Variants in ADCYAP1 observed in about 807,000 individuals in gnomAD.
ADCYAP1 encodes pituitary adenylate cyclase-activating polypeptide.
In ADCYAP1, 6 loss-of-function variants were observed where a neutral mutation model predicts 18.5. The observed-to-expected ratio is 0.32, with a 90% CI of 0.18 to 0.64. ADCYAP1 has a LOEUF of 0.64. Among genes scored for constraint, ADCYAP1 ranks in the 30% least tolerant of loss-of-function variants. ADCYAP1 has a pLI of 0.77. For synonymous variants in ADCYAP1, 136 were observed against 113.9 expected (o/e 1.19, Z -1.24); for missense variants, 314 against 253.6 (o/e 1.24, Z -1.62).
intron 2 of ADCYAP1, chr18:905,771 C>A: frequency 2.0e-6 from 1 of 493,024 alleles, no homozygotes; most frequent in East Asian, 3.5e-5. Context: ...AACCCCCCCT[C>A]CCCCAACCCG....
chr18:905,770 T>TC, intron 2 of ADCYAP1: 2 of 488,738 alleles, frequency 4.1e-6, no homozygotes, highest in Non-Finnish European at 7.3e-6. Context: ...GAACCCCCCC[T>TC]CCCCCAACCC....
chr18:904,595 A>T, upstream of ADCYAP1: 26 of 1,269,154 alleles, frequency 2.0e-5, no homozygotes, highest in Non-Finnish European at 2.6e-5. Flanking sequence ...ACCTCGGAGC[A>T]GAGAAGGCGC....
In ADCYAP1 at chr18:909,610, A is replaced by G; in HGVS notation, c.506A>G (p.Lys169Arg). 1 of 1,613,830 alleles carries G rather than the reference A, an allele frequency of 6.2e-7. No homozygotes were observed. Among genetic ancestry groups the G allele is most frequent in the Non-Finnish European group, 8.5e-7 (1 of 1,179,836 alleles). ...GKRYKQRVKN[K>R]GRRIAYL ...AGGTATAAACAAAGGGTTAAAAACA[A>G]AGGACGCCGAATAGCTTATTTGTAG... is the stretch of plus-strand genomic sequence containing the variant. The change falls in exon 5 of 5, where the codon AAA (lysine) becomes AGA (arginine). Residue 169 changes from lysine (K) to arginine (R), a missense_variant. By Grantham distance (26) the Lys-to-Arg change is conservative (BLOSUM62 2). Coordinates refer to ENST00000450565, the MANE Select transcript of ADCYAP1 (RefSeq NM_001099733.2).
In ADCYAP1 at chr18:907,725, G is replaced by C. The variant is rs768069960; in HGVS notation, c.177G>C (p.Pro59=). The stretch of plus-strand genomic sequence containing the variant: ...CAGACTTCGATGGCTCGGAGCCGCC[G>C]GGCGCAGGGAGCCCCGCCTCCGCGC... The part of the protein sequence containing the change: ...PLPDFDGSEP[P]GAGSPASAPR... The change falls in exon 3 of 5, where the codon CCG becomes CCC. Residue 59 remains proline, a synonymous_variant. Coordinates refer to ENST00000450565, the MANE Select transcript of ADCYAP1 (RefSeq NM_001099733.2). 36 of 1,533,670 alleles carry C rather than the reference G, an allele frequency of 2.3e-5. 1 individual carries two copies. The highest frequency in any genetic ancestry group is 1.8e-4 in the Admixed American group (9 of 50,148).
chr18:905,593 A>C, intron 2 of ADCYAP1, 97 bp downstream of exon 2: 1 of 1,386,156 alleles, frequency 7.2e-7, no homozygotes, highest in Non-Finnish European at 9.8e-7. Context: ...GGTCCAGACT[A>C]CTAGCATCGC....
At chr18:906,725 C>G (rs568488059) in intron 2 of ADCYAP1, 11 of 152,446 alleles carry the variant, frequency 7.2e-5, no homozygotes, top group African/African-American at 1.4e-4. Context: ...GCTGGCTGCA[C>G]GCCAAGTCTC....
intron 2 of ADCYAP1, among the ~76,000 whole-genome samples, chr18:907,232 G>A (rs892148636): frequency 6.6e-5 from 10 of 152,222 alleles, no homozygotes; most frequent in African/African-American, 2.2e-4. Flanking sequence ...TGCTTTCTGG[G>A]CCTCCCCATT....
chr18:909,763 T>A lies in ADCYAP1; in HGVS notation c.*128T>A. 1.3e-6 allele frequency: 1 copy of A among 741,074 alleles called. No individual in the cohort carries two copies. Among genetic ancestry groups the A allele is most frequent in the Non-Finnish European group, 2.0e-6 (1 of 488,958 alleles). The allele number at this position is 741,074 out of a possible 1,614,324, so 45.9% of individuals were successfully genotyped here. ...TATTTATGTAATGAAGTAAAGCCAT[T>A]AAATGAATATTTTGATAATAATATT... On this transcript the variant is annotated 3_prime_UTR_variant, in exon 5 of 5. Coordinates refer to ENST00000450565, the MANE Select transcript of ADCYAP1 (RefSeq NM_001099733.2).
chr18:909,464 C>G lies in ADCYAP1; in HGVS notation c.360C>G (p.Gly120=), dbSNP rs367797970. 3.7e-6 allele frequency: 6 copies of G among 1,611,958 alleles called. No homozygotes were observed. Among genetic ancestry groups the G allele is most frequent in the Non-Finnish European group, 5.1e-6 (6 of 1,179,546 alleles). ...ARGVGGSLGG[G]AGDDAEPLSK... The stretch of plus-strand genomic sequence containing the variant: ...CTTGCAGTGGGAGCCTCGGCGGCGG[C>G]GCGGGGGACGACGCGGAGCCGCTCT... Residue 120 remains glycine, a synonymous_variant, in exon 5 of 5, where the codon GGC becomes GGG. Coordinates refer to ENST00000450565, the MANE Select transcript of ADCYAP1 (RefSeq NM_001099733.2).
In ADCYAP1 at chr18:910,765, C is replaced by G. The variant is rs764602370; in HGVS notation, c.*1130C>G. 2 of 152,270 alleles carry G rather than the reference C, an allele frequency of 1.3e-5. No homozygotes were observed. Among genetic ancestry groups the G allele is most frequent in the African/African-American group, 2.4e-5 (1 of 41,452 alleles). The allele number at this position is 152,270 out of a possible 1,614,324, so 9.4% of individuals were successfully genotyped here. On this transcript the variant is annotated 3_prime_UTR_variant, in exon 5 of 5. Coordinates refer to ENST00000450565, the MANE Select transcript of ADCYAP1 (RefSeq NM_001099733.2). ...TCCTTTGAAACCTGCTCTGTAGGAG[C>G]TACCCTTTTCCTTTGTGGTTTTATG...
At chr18:904,498 C>G (rs1479304302), upstream of ADCYAP1, 1 of 1,289,156 alleles carries the variant, frequency 7.8e-7, no homozygotes, top group Admixed American at 2.3e-5. Flanking sequence ...TTGCGAACTG[C>G]ACAGATAAAT....
chr18:908,482 G>T, intron 4 of ADCYAP1, 119 bp downstream of exon 4: 1 of 712,846 alleles, frequency 1.4e-6, no homozygotes, highest in Non-Finnish European at 2.2e-6. Flanking sequence ...CCCTGGGTCT[G>T]GGGTGGGCAT....
rs1435041860 is a variant in ADCYAP1 at position 912,119 on chromosome 18, CTG to C, written c.*2486_*2487del. ...ATATCTATAACTAGGACTTTGATAA[CTG>C]TTATATAAAGTGTGTAAAATTTGTA... On this transcript the variant is annotated 3_prime_UTR_variant, in exon 5 of 5. Transcript: ENST00000450565. 2 of 152,124 alleles carry C rather than the reference CTG, an allele frequency of 1.3e-5. No homozygotes were observed. Among genetic ancestry groups the C allele is most frequent in the Admixed American group, 6.6e-5 (1 of 15,266 alleles). The allele number at this position is 152,124 out of a possible 1,614,324, so 9.4% of individuals were successfully genotyped here.
At chr18:905,232 C>G (rs1598982130) in intron 1 of ADCYAP1, 154 bp from the exon 2 acceptor site, 1 of 1,465,236 alleles carries the variant, frequency 6.8e-7, no homozygotes, top group Non-Finnish European at 9.0e-7. Context: ...CAAGAAGTGG[C>G]AGGGCGCGCA....
chr18:907,900 G>A (rs1909239203), intron 3 of ADCYAP1, 110 bp downstream of exon 3: 1 of 1,374,066 alleles, frequency 7.3e-7, no homozygotes, highest in South Asian at 1.7e-5. Flanking sequence ...TCCCGTGAAA[G>A]TCCTCAAGCC....
chr18:905,827 T>C (rs543619803), intron 2 of ADCYAP1: 12 of 362,542 alleles, frequency 3.3e-5, no homozygotes, highest in African/African-American at 2.5e-4. Flanking sequence ...TGGTTTCTTT[T>C]ACCTATTCTT....
At chr18:905,594 C>CT in intron 2 of ADCYAP1, 98 bp downstream of exon 2, 1 of 1,377,762 alleles carries the variant, frequency 7.3e-7, no homozygotes, top group Non-Finnish European at 9.8e-7. Flanking sequence ...GTCCAGACTA[C>CT]TAGCATCGCC....
At chr18:908,110 T>G in intron 3 of ADCYAP1, 155 bp from the exon 4 acceptor site, 1 of 700,000 alleles carries the variant, frequency 1.4e-6, no homozygotes, top group South Asian at 2.2e-5. Context: ...GCTCTCGAGA[T>G]CATCCCGGGA....
Position 910,971 on chromosome 18 carries a change from T to A in ADCYAP1, c.*1336T>A, listed in dbSNP as rs552671731. 1.3e-5 allele frequency: 2 copies of A among 152,302 alleles called. No homozygotes were observed. The highest frequency in any genetic ancestry group is 4.2e-4 in the South Asian group (2 of 4,816). 9.4% of individuals were successfully genotyped at this position (152,302 alleles called of 1,614,324 possible). A position where few individuals can be genotyped will look rare whatever the true frequency, so the allele number is the denominator to read the frequency against. On this transcript the variant is annotated 3_prime_UTR_variant, in exon 5 of 5. Transcript: ENST00000450565. ...TAATTATGCACTAAATATGAACCCT[T>A]TGTTTCTTGTTTATTGAGTTTGTAG...
Sources: allele counts gnomAD v4.1 joint callset (sites outside exome capture counted in the v4.1 genomes callset), GRCh38; gene constraint gnomAD v4.1.1; transcripts MANE v1.5; gene names NCBI Gene and HGNC (gene_info 2026-07-23, HGNC 2026-07-21).